Variants in STRADB observed in about 807,000 individuals in gnomAD.
STRADB encodes STE20-related kinase adapter protein beta.
In STRADB, 34 loss-of-function variants were observed where a neutral mutation model predicts 52.1. The observed-to-expected ratio is 0.65, with a 90% CI of 0.50 to 0.87. The LOEUF (loss-of-function observed/expected upper bound fraction) is 0.87. Ranked by LOEUF, STRADB falls within the 40% of genes least tolerant of loss-of-function variation. The probability of loss-of-function intolerance (pLI) is 0.00; values close to 1 mark genes in which losing one functional copy is unlikely to be tolerated. For missense variants in STRADB, 340 were observed against 483.9 expected, an observed-to-expected ratio of 0.70 and a Z score of 2.79; for synonymous variants, 133 against 174.5, an observed-to-expected ratio of 0.76 and a Z score of 1.87.
intron 5 of STRADB, among the ~76,000 whole-genome samples, chr2:201,473,954 G>A (rs1455689808): frequency 1.3e-5 from 2 of 148,384 alleles, no homozygotes; most frequent in South Asian, 2.1e-4. Flanking sequence ...GCAGTGGCGC[G>A]ATCTTGGCTC....
chr2:201,476,568 A>G (rs1952476236), intron 7 of STRADB, among the ~76,000 whole-genome samples: 5 of 152,064 alleles, frequency 3.3e-5, no homozygotes, highest in Admixed American at 3.3e-4. Context: ...TTTATAAATG[A>G]TGTATGAGAG....
chr2:201,466,129 G>A (rs1952301674), intron 3 of STRADB, among the ~76,000 whole-genome samples: 2 of 152,176 alleles, frequency 1.3e-5, no homozygotes, highest in Non-Finnish European at 2.9e-5. Context: ...GATTGCTGGA[G>A]GGTTCCATTC....
intron 9 of STRADB, 82 bp downstream of exon 9, chr2:201,478,273 C>CTA (rs1952512121): frequency 1.9e-6 from 3 of 1,592,584 alleles, no homozygotes; most frequent in Non-Finnish European, 2.6e-6. Context: ...AACATGTTTG[C>CTA]TATAGACTCT....
intron 7 of STRADB, among the ~76,000 whole-genome samples, chr2:201,476,501 G>A (rs1042860707): frequency 6.6e-6 from 1 of 151,468 alleles, no homozygotes; most frequent in Non-Finnish European, 1.5e-5. Flanking sequence ...GTTTGGTATC[G>A]AAAAACAAGG....
At chr2:201,465,511 C>T (rs1420817348) in intron 3 of STRADB, among the ~76,000 whole-genome samples, 3 of 152,210 alleles carry the variant, frequency 2.0e-5, no homozygotes, top group Non-Finnish European at 1.5e-5. Flanking sequence ...TTCCTCTCCC[C>T]TCCTCAAGGG....
At chr2:201,475,352 A>T (rs2540442) in intron 6 of STRADB, among the ~76,000 whole-genome samples, 128,939 of 151,476 alleles carry the variant, frequency 0.85, 55,584 homozygotes, top group South Asian at 0.93. Flanking sequence ...GAAAAAAAAA[A>T]ATATATATAT....
chr2:201,474,661 A>C lies in STRADB; in HGVS notation c.330A>C (p.Leu110=), dbSNP rs1432417712. Residue 110 remains leucine (L), a synonymous_variant, in exon 6 of 12, where the codon CTA becomes CTC. Coordinates refer to ENST00000194530, the MANE Select transcript of STRADB (RefSeq NM_018571.6). ...RLKALQKAVI[L]SHFFRHPNIT... ...GTTTATCCTAGAAAGCCGTGATTCTATCCCACTTTTTCCGGCATCCCAATA... is the reference window on the plus strand; with the variant it reads ...GTTTATCCTAGAAAGCCGTGATTCTCTCCCACTTTTTCCGGCATCCCAATA... The C allele has an allele frequency of 1.2e-6, 2 of 1,610,944 alleles. No homozygotes were observed. Among genetic ancestry groups the C allele is most frequent in the African/African-American group, 2.7e-5 (2 of 74,772 alleles).
Position 201,480,557 on chromosome 2 carries a change from C to G in STRADB, c.*382C>G. 1 of 1,007,874 alleles carries G rather than the reference C, an allele frequency of 9.9e-7. No homozygotes were observed. The highest frequency in any genetic ancestry group is 1.2e-6 in the Non-Finnish European group (1 of 843,078). 62.4% of individuals were successfully genotyped at this position (1,007,874 alleles called of 1,614,324 possible). On this transcript the variant is annotated 3_prime_UTR_variant, in exon 12 of 12. Coordinates refer to ENST00000194530, the MANE Select transcript of STRADB (RefSeq NM_018571.6). ...CCAAGTACATCTTCTCCCAGATTCT[C>G]TGGCCTTTTTAATGAGCTATTGTTA...
At chr2:201,452,757 A>G (rs1002991840) in intron 1 of STRADB, among the ~76,000 whole-genome samples, 3 of 152,246 alleles carry the variant, frequency 2.0e-5, no homozygotes, top group African/African-American at 7.2e-5. Flanking sequence ...AAATTAACTC[A>G]AAACCCGTGT....
rs16837643 is a variant in STRADB at position 201,477,920 on chromosome 2, A to G, written c.720+130A>G. ...CAAGACTTTATTTCTCTTTCTTGTCAAAATTATGTTAGGAAATTAAATACC... is the reference window on the plus strand; with the variant it reads ...CAAGACTTTATTTCTCTTTCTTGTCGAAATTATGTTAGGAAATTAAATACC... On this transcript the variant is annotated intron_variant, in intron 8 of 11. Transcript: ENST00000194530. 7,272 of 1,279,990 alleles carry G rather than the reference A, an allele frequency of 5.7e-3. 310 individuals carry two copies. In the African/African-American group the frequency reaches 0.093, roughly 16 times the overall value. 79.3% of individuals were successfully genotyped at this position (1,279,990 alleles called of 1,614,324 possible). A position where few individuals can be genotyped will look rare whatever the true frequency, so the allele number is the denominator to read the frequency against.
chr2:201,472,878 T>C (rs1473437438), intron 4 of STRADB, 77 bp from the exon 5 acceptor site: 1 of 1,455,020 alleles, frequency 6.9e-7, no homozygotes, highest in East Asian at 2.4e-5. Flanking sequence ...AGTAAGACTT[T>C]TCAATTTTGA....
chr2:201,469,809 TC>T, intron 3 of STRADB, 143 bp from the exon 4 acceptor site: 1 of 605,558 alleles, frequency 1.7e-6, no homozygotes, highest in East Asian at 2.7e-5. Context: ...TCATTTTAGA[TC>T]TTAAAACAGT....
At chr2:201,458,992 T>A (rs1205649152) in intron 3 of STRADB, 128 bp downstream of exon 3, 2 of 695,570 alleles carry the variant, frequency 2.9e-6, no homozygotes, top group East Asian at 2.8e-5. Context: ...TGAGATCTCA[T>A]CTTTAAAAAA....
intron 3 of STRADB, among the ~76,000 whole-genome samples, chr2:201,463,221 C>T (rs1427846758): frequency 2.6e-5 from 4 of 152,020 alleles, no homozygotes; most frequent in African/African-American, 7.2e-5. Flanking sequence ...CCTGTAATCC[C>T]GCCTACTTGG....
Position 201,452,145 on chromosome 2 carries a change from G to A in STRADB, c.-96+207G>A, listed in dbSNP as rs553832794. ...CAGCCACTGCGCCAGTGCAGCTCGGGCTCAGCGGGGCCCGGGCCGCGGGTT... is the reference window on the plus strand; with the variant it reads ...CAGCCACTGCGCCAGTGCAGCTCGGACTCAGCGGGGCCCGGGCCGCGGGTT... On this transcript the variant is annotated intron_variant, in intron 1 of 11. Transcript: ENST00000194530. Among the ~76,000 whole-genome samples the A allele has an allele frequency of 3.7e-4, 56 of 152,022 alleles. No individual in the cohort carries two copies. The South Asian group carries it at 6.6e-3, about 18-fold the overall frequency.
chr2:201,461,953 G>A (rs56212303), intron 3 of STRADB, among the ~76,000 whole-genome samples: 2 of 152,066 alleles, frequency 1.3e-5, no homozygotes, highest in Non-Finnish European at 2.9e-5. Flanking sequence ...TTTCCCCAGT[G>A]TATGTTCTTG....
intron 1 of STRADB, among the ~76,000 whole-genome samples, chr2:201,454,158 G>A (rs570168653): frequency 2.6e-5 from 4 of 152,286 alleles, no homozygotes; most frequent in Admixed American, 2.0e-4. Flanking sequence ...ATTAGTAAAG[G>A]TCTGGAAACC....
At chr2:201,478,000 C>T (rs974260712) in intron 8 of STRADB, 87 bp from the exon 9 acceptor site, 1 of 1,273,226 alleles carries the variant, frequency 7.9e-7, no homozygotes, top group Non-Finnish European at 1.1e-6. Flanking sequence ...CATTATTGTT[C>T]ACCATTCTTT....
At chr2:201,453,262 T>G (rs1952077956) in intron 1 of STRADB, among the ~76,000 whole-genome samples, 1 of 152,212 alleles carries the variant, frequency 6.6e-6, no homozygotes, top group African/African-American at 2.4e-5. Context: ...TTTCACATTA[T>G]TAAGACAAAA....
Sources: allele counts gnomAD v4.1 joint callset (sites outside exome capture counted in the v4.1 genomes callset), GRCh38; gene constraint gnomAD v4.1.1; transcripts MANE v1.5; gene names NCBI Gene and HGNC (gene_info 2026-07-23, HGNC 2026-07-21).